The following SEC24B variants were observed in gnomAD, a reference collection of about 807,000 sequenced individuals.
SEC24B encodes protein transport protein Sec24B.
Under a neutral mutation model 142.8 loss-of-function variants are expected in SEC24B, and 45 were observed. That is an observed-to-expected ratio of 0.32 (90% CI 0.25 to 0.40). The LOEUF (loss-of-function observed/expected upper bound fraction) is 0.40. Among genes scored for constraint, SEC24B ranks in the 10% least tolerant of loss-of-function variants. The pLI, the probability that SEC24B is intolerant of heterozygous loss-of-function variation, is 1.00. For synonymous variants in SEC24B, 574 were observed against 568.2 expected (o/e 1.01, Z -0.15); for missense variants, 1,409 against 1,526.8 (o/e 0.92, Z 1.29).
chr4:109,434,665 C>A (rs905882071), intron 1 of SEC24B, among the ~76,000 whole-genome samples: 2 of 152,204 alleles, frequency 1.3e-5, no homozygotes, highest in African/African-American at 4.8e-5. Flanking sequence ...GCTGCTCAAG[C>A]TTTTGGAGTT....
intron 5 of SEC24B, 51 bp downstream of exon 5, chr4:109,491,458 C>T (rs868657570): frequency 3.7e-6 from 5 of 1,346,594 alleles, no homozygotes; most frequent in Non-Finnish European, 5.3e-6. Context: ...TATTGACCAT[C>T]AGTTGCCTTC....
chr4:109,459,323 C>T (rs1179670564), intron 1 of SEC24B, among the ~76,000 whole-genome samples: 1 of 152,140 alleles, frequency 6.6e-6, no homozygotes, highest in African/African-American at 2.4e-5. Flanking sequence ...TGGCCACTAG[C>T]TGTACATGGC....
At chr4:109,462,540 T>C (rs1461588020) in intron 1 of SEC24B, among the ~76,000 whole-genome samples, 2 of 152,320 alleles carry the variant, frequency 1.3e-5, no homozygotes, top group East Asian at 3.9e-4. Context: ...TTCATAGGGC[T>C]GTTCACGGCT....
intron 6 of SEC24B, among the ~76,000 whole-genome samples, chr4:109,503,062 CT>C (rs200320332): frequency 9.9e-4 from 137 of 138,346 alleles, no homozygotes; most frequent in Non-Finnish European, 9.7e-4. Context: ...TTCTTTCTTT[CT>C]TTTTTTTTTT....
chr4:109,530,378 A>C lies in SEC24B; in HGVS notation c.3166A>C (p.Thr1056Pro), dbSNP rs546293275. Residue 1056 changes from threonine (T) to proline (P), a missense_variant, in exon 19 of 24, where the codon ACT (threonine) becomes CCT (proline). By Grantham distance (38) the Thr-to-Pro change is conservative. Transcript: ENST00000265175. The stretch of plus-strand genomic sequence containing the variant: ...GGACTCATTGTCTGCATATGGCTCA[A>C]CTGTCTCAAATTTACAGCACTCTGC... ...VVDSLSAYGS[T>P]VSNLQHSALM... is the part of the protein sequence containing the mutation. The C allele has an allele frequency of 6.2e-7, 1 of 1,614,014 alleles. No homozygotes were observed. The highest frequency in any genetic ancestry group is 8.5e-7 in the Non-Finnish European group (1 of 1,180,012).
intron 1 of SEC24B, among the ~76,000 whole-genome samples, chr4:109,437,709 C>G (rs564541998): frequency 1.3e-5 from 2 of 152,330 alleles, no homozygotes; most frequent in African/African-American, 4.8e-5. Flanking sequence ...ACTGCAACCT[C>G]CACCTCCTGG....
In SEC24B at chr4:109,526,236, G is replaced by C; in HGVS notation, c.2802G>C (p.Met934Ile). The C allele has an allele frequency of 1.2e-6, 2 of 1,613,348 alleles. No individual in the cohort carries two copies. Among genetic ancestry groups the C allele is most frequent in the Middle Eastern group, 3.3e-4 (2 of 6,058 alleles). The change falls in exon 17 of 24, where the codon ATG becomes ATC. Residue 934 changes from methionine to isoleucine, a missense_variant. Physicochemically the swap from Met to Ile is conservative, Grantham distance 10. Coordinates refer to ENST00000265175, the MANE Select transcript of SEC24B (RefSeq NM_006323.5). ...TTTTCTCCTTTTTAGGTCTTTCAAT[G>C]CACACTTTTCACGGTAACTTCTTTG... ...MRIRCTKGLS[M>I]HTFHGNFFVR... is the part of the protein sequence containing the mutation.
intron 1 of SEC24B, among the ~76,000 whole-genome samples, chr4:109,448,741 G>A (rs780417408): frequency 6.6e-6 from 1 of 152,018 alleles, no homozygotes; most frequent in African/African-American, 2.4e-5. Context: ...CCTGTCTTCC[G>A]AAACTTTGGT....
chr4:109,468,562 C>T (rs1732198054), intron 2 of SEC24B, among the ~76,000 whole-genome samples: 1 of 152,216 alleles, frequency 6.6e-6, no homozygotes, highest in African/African-American at 2.4e-5. Context: ...GGTGTTGGCA[C>T]TATCAGATTT....
At chr4:109,515,158 T>TG (rs1033753407) in intron 10 of SEC24B, among the ~76,000 whole-genome samples, 2 of 152,136 alleles carry the variant, frequency 1.3e-5, no homozygotes, top group African/African-American at 4.8e-5. Flanking sequence ...TGGAGTGCAG[T>TG]GGCACCATCC....
chr4:109,516,033 G>A (rs2126060156), intron 10 of SEC24B, among the ~76,000 whole-genome samples: 1 of 151,992 alleles, frequency 6.6e-6, no homozygotes, highest in African/African-American at 2.4e-5. Context: ...GGATGACAGA[G>A]TGAGACTCTG....
chr4:109,521,336 C>T, intron 13 of SEC24B, 84 bp from the exon 14 acceptor site: 1 of 1,210,430 alleles, frequency 8.3e-7, no homozygotes, highest in Non-Finnish European at 1.2e-6. Context: ...AATACAGTGA[C>T]ACATGATACA....
Position 109,532,651 on chromosome 4 carries a change from G to C in SEC24B, c.3403G>C (p.Val1135Leu). The C allele has an allele frequency of 6.2e-7, 1 of 1,612,576 alleles. No homozygotes were observed. Among genetic ancestry groups the C allele is most frequent in the Non-Finnish European group, 8.5e-7 (1 of 1,178,680 alleles). Residue 1135 changes from valine to leucine, a missense_variant, in exon 21 of 24, where the codon GTT (valine) becomes CTT (leucine). Transcript: ENST00000265175. ...TTTTTCTTTTCAGGGTGCAGTACATGTTAATGACAGGATTGTACCACAGCC... is the reference window on the plus strand; with the variant it reads ...TTTTTCTTTTCAGGGTGCAGTACATCTTAATGACAGGATTGTACCACAGCC... ...DRLTDEGAVH[V>L]NDRIVPQPPL...
At chr4:109,448,240 A>G (rs1269185322) in intron 1 of SEC24B, among the ~76,000 whole-genome samples, 1 of 152,110 alleles carries the variant, frequency 6.6e-6, no homozygotes, top group Non-Finnish European at 1.5e-5. Flanking sequence ...GTCATGTTAA[A>G]TAATTTGAAT....
intron 18 of SEC24B, 42 bp downstream of exon 18, chr4:109,527,474 T>G: frequency 7.0e-7 from 1 of 1,428,920 alleles, no homozygotes; most frequent in Non-Finnish European, 9.8e-7. Flanking sequence ...TATTTTTCTA[T>G]CTTAAAAACT....
chr4:109,512,623 C>T (rs1374603222), intron 9 of SEC24B, among the ~76,000 whole-genome samples: 1 of 151,634 alleles, frequency 6.6e-6, no homozygotes, highest in Admixed American at 6.6e-5. Flanking sequence ...GATTTCAGAA[C>T]ATAAGTTTTT....
intron 1 of SEC24B, among the ~76,000 whole-genome samples, chr4:109,462,095 CTGAGGTGAGAAGATTGCT>C (rs1731319796): frequency 1.3e-5 from 2 of 152,086 alleles, no homozygotes; most frequent in Admixed American, 1.3e-4. Context: ...GCTCGGGAGG[CTGAGGTGAGAAGATTGCT>C]TGAGCCCAGG....
rs1292569616 is a variant in SEC24B at position 109,530,310 on chromosome 4, C to G, written c.3098C>G (p.Ser1033Ter). The change falls in exon 19 of 24, where the codon TCA (serine) becomes TGA (stop). Residue 1033 changes from serine to a stop codon, truncating the protein, a stop_gained. Coordinates refer to ENST00000265175, the MANE Select transcript of SEC24B (RefSeq NM_006323.5). LOFTEE classifies it high-confidence loss of function. ...ANMAVDRSVS[S>*]SLSDARDALV... Reference sequence around the variant, plus strand: ...TTAGCTGTGGATCGGTCCGTTTCATCAAGTCTGTCAGATGCAAGAGATGCC... The same window carrying G: ...TTAGCTGTGGATCGGTCCGTTTCATGAAGTCTGTCAGATGCAAGAGATGCC... 1 of 1,613,340 alleles carries G rather than the reference C, an allele frequency of 6.2e-7. No homozygotes were observed. Among genetic ancestry groups the G allele is most frequent in the Non-Finnish European group, 8.5e-7 (1 of 1,179,646 alleles).
chr4:109,434,643 G>A (rs2125883630), intron 1 of SEC24B, among the ~76,000 whole-genome samples: 1 of 152,336 alleles, frequency 6.6e-6, no homozygotes, highest in Non-Finnish European at 1.5e-5. Context: ...AACTGTCATT[G>A]CCGCTGCGGC....
Sources: allele counts gnomAD v4.1 joint callset (sites outside exome capture counted in the v4.1 genomes callset), GRCh38; gene constraint gnomAD v4.1.1; transcripts MANE v1.5; gene names NCBI Gene and HGNC (gene_info 2026-07-23, HGNC 2026-07-21).